TANC1: variants seen among roughly 807,000 people sequenced by gnomAD.
The protein encoded by TANC1 is protein TANC1.
Under a neutral mutation model 149.7 loss-of-function variants are expected in TANC1, and 77 were observed. The observed-to-expected ratio is 0.51, with a 90% CI of 0.43 to 0.62. TANC1 has a LOEUF of 0.62. TANC1 is among the 20% of genes least tolerant of loss of function. The pLI is 0.00. For synonymous variants in TANC1, 854 were observed against 925.0 expected (o/e 0.92, Z 1.39); for missense variants, 1,985 against 2,321.8 (o/e 0.85, Z 2.98).
chr2:159,186,774 C>T (rs370199041), intron 15 of TANC1, 128 bp from the exon 16 acceptor site: 9 of 1,159,902 alleles, frequency 7.8e-6, no homozygotes, highest in Non-Finnish European at 1.1e-5. Flanking sequence ...TGTGTGACCC[C>T]GTGCCTTCTG....
intron 2 of TANC1, among the ~76,000 whole-genome samples, chr2:159,006,133 C>T (rs981978616): frequency 1.3e-5 from 2 of 151,820 alleles, no homozygotes; most frequent in Non-Finnish European, 2.9e-5. Context: ...CCCGTCTCTA[C>T]TGAAAATACA....
intron 1 of TANC1, among the ~76,000 whole-genome samples, chr2:158,986,242 A>G (rs879862063): frequency 0.052 from 7,864 of 152,126 alleles, 644 homozygotes; most frequent in African/African-American, 0.18. Flanking sequence ...GACTGGGATG[A>G]AAAGGAATAC....
chr2:159,208,722 TG>T (rs1419995883), intron 19 of TANC1, among the ~76,000 whole-genome samples: 1 of 152,224 alleles, frequency 6.6e-6, no homozygotes, highest in Non-Finnish European at 1.5e-5. Context: ...CTGGCCCTCC[TG>T]GGAGAGTTTT....
At chr2:159,147,996 T>G (rs2052334777) in intron 5 of TANC1, 1 of 152,254 alleles carries the variant, frequency 6.6e-6, no homozygotes, top group African/African-American at 2.4e-5. Context: ...AGCATTGATC[T>G]TTGTTGGTGC....
At chr2:159,043,155 G>A (rs1001096477) in intron 2 of TANC1, among the ~76,000 whole-genome samples, 1 of 152,204 alleles carries the variant, frequency 6.6e-6, no homozygotes, top group Non-Finnish European at 1.5e-5. Context: ...GTATGTCCAT[G>A]TGATGTCTTT....
intron 4 of TANC1, among the ~76,000 whole-genome samples, chr2:159,108,998 T>C (rs2047457596): frequency 2.0e-5 from 3 of 152,178 alleles, no homozygotes; most frequent in Non-Finnish European, 4.4e-5. Context: ...TAGGAAACAC[T>C]CTTCAAAGGA....
At chr2:159,097,929 AT>A in intron 4 of TANC1, 95 bp downstream of exon 4, 6 of 1,098,332 alleles carry the variant, frequency 5.5e-6, no homozygotes, top group Non-Finnish European at 7.9e-6. Flanking sequence ...TTCTGGGACA[AT>A]GTTTTTTCTT....
chr2:159,196,761 C>T lies in TANC1; in HGVS notation c.3133C>T (p.Leu1045=), dbSNP rs1249482281. The change falls in exon 18 of 27, where the codon CTG becomes TTG. Residue 1045 remains leucine, a synonymous_variant. Coordinates refer to ENST00000263635, the MANE Select transcript of TANC1 (RefSeq NM_033394.3). ...LRKSHALQQA[L]TAAASMGHSS... ...GAAGAGCCACGCCCTGCAGCAGGCG[C>T]TGACCGCGGCGGCCAGCATGGGCCA... 1 of 1,612,856 alleles carries T rather than the reference C, an allele frequency of 6.2e-7. No homozygotes were observed. The highest frequency in any genetic ancestry group is 2.2e-5 in the East Asian group (1 of 44,878).
chr2:159,115,066 C>T (rs2048098339), intron 4 of TANC1, among the ~76,000 whole-genome samples: 1 of 152,114 alleles, frequency 6.6e-6, no homozygotes. Context: ...GCTCTGGGGA[C>T]CTCCCAGTTT....
At chr2:159,040,435 T>C (rs2040538627) in intron 2 of TANC1, among the ~76,000 whole-genome samples, 1 of 152,202 alleles carries the variant, frequency 6.6e-6, no homozygotes, top group South Asian at 2.1e-4. Flanking sequence ...TAGTCCCATA[T>C]TTCTTGGAGG....
At chr2:159,022,247 T>A (rs371956689) in intron 2 of TANC1, among the ~76,000 whole-genome samples, 1 of 152,286 alleles carries the variant, frequency 6.6e-6, no homozygotes, top group East Asian at 1.9e-4. Context: ...TGTTATCCCA[T>A]TCACAGTTGC....
intron 2 of TANC1, among the ~76,000 whole-genome samples, chr2:159,024,287 A>G (rs1308995462): frequency 6.6e-6 from 1 of 152,194 alleles, no homozygotes; most frequent in Non-Finnish European, 1.5e-5. Context: ...TAGTGCAGTT[A>G]CCTTATTTTT....
intron 2 of TANC1, among the ~76,000 whole-genome samples, chr2:159,053,123 C>T (rs2041589500): frequency 3.2e-5 from 3 of 94,458 alleles, no homozygotes; most frequent in Admixed American, 2.2e-4. Flanking sequence ...TAACATTAAA[C>T]CTGAATTTTT....
chr2:159,014,787 T>C (rs2149393112), intron 2 of TANC1, among the ~76,000 whole-genome samples: 1 of 152,180 alleles, frequency 6.6e-6, no homozygotes, highest in East Asian at 1.9e-4. Context: ...GAAATCCAAA[T>C]CTTAAAGCTC....
chr2:159,149,034 A>G, intron 5 of TANC1, 108 bp from the exon 6 acceptor site: 1 of 1,323,086 alleles, frequency 7.6e-7, no homozygotes. Flanking sequence ...CGCATTTTAT[A>G]GAAACACACA....
At chr2:159,093,325 A>C (rs956316535) in intron 3 of TANC1, among the ~76,000 whole-genome samples, 2 of 152,244 alleles carry the variant, frequency 1.3e-5, no homozygotes, top group Admixed American at 6.5e-5. Flanking sequence ...TGGTTGTTGC[A>C]GTGAAACATC....
At position 159,178,576 on chromosome 2, in the gene TANC1, A is replaced by G; in HGVS notation, c.1923A>G (p.Pro641=). ...ANFQEIISAL[P]FVKLSLDDFP... is the part of the protein sequence containing the mutation. ...CCCAGGAAATCATAAGTGCGCTGCC[A>G]TTTGTCAAGCTTTCCTTAGATGACT... is the stretch of plus-strand genomic sequence containing the variant. Residue 641 remains proline, a synonymous_variant, in exon 14 of 27, where the codon CCA becomes CCG. Coordinates refer to ENST00000263635, the MANE Select transcript of TANC1 (RefSeq NM_033394.3). 6.3e-7 allele frequency: 1 copy of G among 1,588,030 alleles called. No homozygotes were observed. The highest frequency in any genetic ancestry group is 1.1e-5 in the South Asian group (1 of 86,964).
chr2:159,121,404 G>A (rs1048177006), intron 4 of TANC1, among the ~76,000 whole-genome samples: 4 of 152,190 alleles, frequency 2.6e-5, no homozygotes, highest in East Asian at 1.9e-4. Context: ...TGCAATCTTC[G>A]CTTACTGCAA....
intron 26 of TANC1, 50 bp downstream of exon 26, chr2:159,228,946 C>A: frequency 7.0e-7 from 1 of 1,438,208 alleles, no homozygotes; most frequent in Non-Finnish European, 9.8e-7. Context: ...CTTGTGGGAT[C>A]AAACCTGCCT....
Sources: gnomAD v4.1 joint callset for allele counts (sites outside exome capture counted in the v4.1 genomes callset) on GRCh38, gnomAD v4.1.1 for gene constraint, MANE v1.5 for transcripts, NCBI Gene and HGNC (gene_info 2026-07-23, HGNC 2026-07-21) for gene names.